Variants in B3GAT2 observed in about 807,000 individuals in gnomAD.
B3GAT2 encodes beta-1,3-glucuronyltransferase 2, also known as galactosylgalactosylxylosylprotein 3-beta-glucuronosyltransferase 2.
In B3GAT2, 26 loss-of-function variants were observed where a neutral mutation model predicts 27.8. The ratio of observed to expected loss-of-function variants is 0.93; its 90% CI spans 0.68 to 1.30. The LOEUF (loss-of-function observed/expected upper bound fraction) is 1.30, where lower values mean the gene tolerates loss of function less well. Ranked by LOEUF, B3GAT2 falls within the 50% of genes most tolerant of loss-of-function variation. The pLI, the probability that B3GAT2 is intolerant of heterozygous loss-of-function variation, is 0.00. For synonymous variants in B3GAT2, 218 were observed against 195.1 expected (o/e 1.12, Z -0.98); for missense variants, 458 against 459.0 (o/e 1.00, Z 0.02).
Position 70,861,411 on chromosome 6 carries a change from AT to A in B3GAT2, c.*251del. ...TGCAGTATCGGCACTGTACAAAAAA[AT>A]CTTCCAATTTAGTTGTTGTAGAGAA... On this transcript the variant is annotated 3_prime_UTR_variant, in exon 4 of 4. Transcript: ENST00000230053. 2.1e-6 allele frequency: 1 copy of A among 476,618 alleles called. No homozygotes were observed. The highest frequency in any genetic ancestry group is 3.8e-6 in the Non-Finnish European group (1 of 265,194). 29.5% of individuals were successfully genotyped at this position (476,618 alleles called of 1,614,324 possible).
At position 70,857,617 on chromosome 6, in the gene B3GAT2, A is replaced by G. The variant is rs1489917082; in HGVS notation, c.*4046T>C. ...GGACCAGTGGTACAAATCAGCAATA[A>G]AACAGTGTATGATGTCATGCTACAT... is the stretch of plus-strand genomic sequence containing the variant. On this transcript the variant is annotated 3_prime_UTR_variant, in exon 4 of 4. Transcript: ENST00000230053. 1 of 322,570 alleles carries G rather than the reference A, an allele frequency of 3.1e-6. No individual in the cohort carries two copies. The highest frequency in any genetic ancestry group is 5.8e-6 in the Non-Finnish European group (1 of 173,356). The allele number at this position is 322,570 out of a possible 1,614,324, so 20.0% of individuals were successfully genotyped here.
chr6:70,872,783 CTTT>C (rs1260634185), intron 2 of B3GAT2, among the ~76,000 whole-genome samples: 1 of 151,816 alleles, frequency 6.6e-6, no homozygotes, highest in Non-Finnish European at 1.5e-5. Flanking sequence ...TTACTGCCTT[CTTT>C]ATTATTAAAC....
chr6:70,870,341 T>C (rs565419422), intron 2 of B3GAT2, among the ~76,000 whole-genome samples: 2 of 129,504 alleles, frequency 1.5e-5, no homozygotes, highest in East Asian at 2.4e-4. Flanking sequence ...AATTGAACGA[T>C]GAGAACACAT....
At chr6:70,918,062 C>T (rs577802965) in intron 1 of B3GAT2, among the ~76,000 whole-genome samples, 59 of 152,204 alleles carry the variant, frequency 3.9e-4, no homozygotes, top group Non-Finnish European at 6.6e-4. Flanking sequence ...TCTCTAAGAA[C>T]TTGCTTTATG....
At chr6:70,867,734 C>A (rs1771874095) in intron 2 of B3GAT2, among the ~76,000 whole-genome samples, 1 of 152,062 alleles carries the variant, frequency 6.6e-6, no homozygotes, top group Non-Finnish European at 1.5e-5. Flanking sequence ...TTCTACCAAG[C>A]ATTTAAGGAA....
At chr6:70,877,973 G>C (rs1157579859) in intron 2 of B3GAT2, among the ~76,000 whole-genome samples, 1 of 152,092 alleles carries the variant, frequency 6.6e-6, no homozygotes, top group Non-Finnish European at 1.5e-5. Context: ...TCATCTACTT[G>C]TCAACAGATC....
Position 70,901,022 on chromosome 6 carries a change from A to G in B3GAT2, c.592-6750T>C, listed in dbSNP as rs535330367. Reference sequence around the variant, plus strand: ...AGAACACAAAGGAAAGGGCAGTGCAAATATGATGAAGATTTGAACACAGAG... The same window carrying G: ...AGAACACAAAGGAAAGGGCAGTGCAGATATGATGAAGATTTGAACACAGAG... On this transcript the variant is annotated intron_variant, in intron 1 of 3. Coordinates refer to ENST00000230053, the MANE Select transcript of B3GAT2 (RefSeq NM_080742.3). Among the ~76,000 whole-genome samples the G allele has an allele frequency of 5.9e-5, 9 of 152,314 alleles. No individual in the cohort carries two copies. In the East Asian group the frequency reaches 1.7e-3, roughly 29 times the overall value.
intron 1 of B3GAT2, among the ~76,000 whole-genome samples, chr6:70,920,835 T>C (rs563969661): frequency 1.3e-5 from 2 of 152,356 alleles, no homozygotes; most frequent in East Asian, 3.9e-4. Flanking sequence ...CTGGTGGTAA[T>C]GAATTCTCTT....
In B3GAT2 at chr6:70,934,283, C is replaced by T. The variant is rs552649379; in HGVS notation, c.591+21556G>A. Among the ~76,000 whole-genome samples the T allele has an allele frequency of 1.8e-4, 28 of 152,280 alleles. No individual in the cohort carries two copies. In the South Asian group the frequency reaches 2.9e-3, roughly 16 times the overall value. Reference sequence around the variant, plus strand: ...CCCAGACCCTTGGCATCCCTACATACGGCATAAGCTTTCCTAAAACTGATC... The same window carrying T: ...CCCAGACCCTTGGCATCCCTACATATGGCATAAGCTTTCCTAAAACTGATC... On this transcript the variant is annotated intron_variant, in intron 1 of 3. Coordinates refer to ENST00000230053, the MANE Select transcript of B3GAT2 (RefSeq NM_080742.3).
intron 2 of B3GAT2, among the ~76,000 whole-genome samples, chr6:70,893,281 T>C (rs535737320): frequency 6.6e-6 from 1 of 152,306 alleles, no homozygotes; most frequent in Admixed American, 6.5e-5. Flanking sequence ...CTGGGAAATA[T>C]GCACAGAAGA....
chr6:70,944,501 G>T (rs150030135), intron 1 of B3GAT2, among the ~76,000 whole-genome samples: 2,726 of 152,268 alleles, frequency 0.018, 84 homozygotes, highest in African/African-American at 0.061. Context: ...ACTGCAAGGC[G>T]GCAGCGAGGC....
chr6:70,939,560 T>C (rs1370076208), intron 1 of B3GAT2, among the ~76,000 whole-genome samples: 1 of 151,688 alleles, frequency 6.6e-6, no homozygotes, highest in Admixed American at 6.6e-5. Context: ...TGGAATACTA[T>C]GCAGCCATAA....
chr6:70,926,168 G>T (rs1441094074), intron 1 of B3GAT2, among the ~76,000 whole-genome samples: 1 of 152,136 alleles, frequency 6.6e-6, no homozygotes, highest in Non-Finnish European at 1.5e-5. Flanking sequence ...AACCCCATCT[G>T]TAGGTCACCA....
intron 1 of B3GAT2, among the ~76,000 whole-genome samples, chr6:70,898,395 C>T (rs1344355417): frequency 1.3e-5 from 2 of 152,224 alleles, no homozygotes; most frequent in African/African-American, 2.4e-5. Flanking sequence ...TAGTCCCCCC[C>T]ACCTCCCCAA....
chr6:70,909,354 G>A (rs543274441), intron 1 of B3GAT2, among the ~76,000 whole-genome samples: 2 of 152,278 alleles, frequency 1.3e-5, no homozygotes, highest in South Asian at 4.2e-4. Context: ...AAAAGAATAT[G>A]GGAAATCATA....
At chr6:70,885,097 G>A (rs530463025) in intron 2 of B3GAT2, among the ~76,000 whole-genome samples, 87 of 152,278 alleles carry the variant, frequency 5.7e-4, no homozygotes, top group African/African-American at 2.0e-3. Context: ...ACAGATTCTA[G>A]ATGAAAACTA....
intron 1 of B3GAT2, among the ~76,000 whole-genome samples, chr6:70,935,135 A>T (rs1397381696): frequency 6.6e-6 from 1 of 152,084 alleles, no homozygotes; most frequent in Non-Finnish European, 1.5e-5. Context: ...GATAGAAAAA[A>T]AAAAGAGCAA....
At chr6:70,872,038 A>C (rs1416452872) in intron 2 of B3GAT2, among the ~76,000 whole-genome samples, 1 of 151,930 alleles carries the variant, frequency 6.6e-6, no homozygotes, top group Admixed American at 6.6e-5. Context: ...TTCTGATTTC[A>C]TTCCAGTATA....
chr6:70,880,235 T>C (rs1341404797), intron 2 of B3GAT2, among the ~76,000 whole-genome samples: 1 of 152,130 alleles, frequency 6.6e-6, no homozygotes, highest in East Asian at 1.9e-4. Context: ...GACGGTTGGC[T>C]TAACAGCAGC....
Sources: allele counts gnomAD v4.1 joint callset (sites outside exome capture counted in the v4.1 genomes callset), GRCh38; gene constraint gnomAD v4.1.1; transcripts MANE v1.5; gene names NCBI Gene and HGNC (gene_info 2026-07-23, HGNC 2026-07-21).